Variants in NEBL observed in about 807,000 individuals in gnomAD.
NEBL encodes nebulette, also known as LIM and SH3 protein 2.
Under a neutral mutation model 140.2 loss-of-function variants are expected in NEBL, and 122 were observed. The observed-to-expected ratio is 0.87, with a 90% CI of 0.75 to 1.01. The LOEUF (loss-of-function observed/expected upper bound fraction) is 1.01. Among genes scored for constraint, NEBL ranks in the 50% least tolerant of loss-of-function variants. The probability of loss-of-function intolerance (pLI) is 0.00; values close to 1 mark genes in which losing one functional copy is unlikely to be tolerated. For missense variants in NEBL, 1,365 were observed against 1,231.3 expected (o/e 1.11, Z -1.62); for synonymous variants, 436 against 398.9 (o/e 1.09, Z -1.11).
intron 3 of NEBL, among the ~76,000 whole-genome samples, chr10:20,965,677 T>C (rs1216486652): frequency 6.6e-6 from 1 of 152,028 alleles, no homozygotes; most frequent in African/African-American, 2.4e-5. Context: ...CTGACTTGTG[T>C]TTTAAAAGGC....
chr10:21,065,605 C>T (rs1012855795), intron 2 of NEBL, among the ~76,000 whole-genome samples: 1 of 152,202 alleles, frequency 6.6e-6, no homozygotes, highest in Non-Finnish European at 1.5e-5. Flanking sequence ...ACTCATGATT[C>T]TTAATGCAAA....
At chr10:21,121,039 A>T (rs1385111013) in intron 2 of NEBL, among the ~76,000 whole-genome samples, 1 of 152,188 alleles carries the variant, frequency 6.6e-6, no homozygotes, top group African/African-American at 2.4e-5. Flanking sequence ...GAGGCATCTG[A>T]AAACATCACA....
At chr10:20,801,609 C>G (rs559189254) in intron 26 of NEBL, among the ~76,000 whole-genome samples, 1 of 152,156 alleles carries the variant, frequency 6.6e-6, no homozygotes. Context: ...AAAAACAGTA[C>G]CCGTTTCTTT....
chr10:20,983,514 A>C (rs942154726), intron 3 of NEBL, among the ~76,000 whole-genome samples: 2 of 152,248 alleles, frequency 1.3e-5, no homozygotes, highest in African/African-American at 4.8e-5. Context: ...TAAGTATTCC[A>C]ATTTTATTTG....
At chr10:20,986,530 T>C (rs932565247) in intron 3 of NEBL, among the ~76,000 whole-genome samples, 1 of 152,220 alleles carries the variant, frequency 6.6e-6, no homozygotes, top group Non-Finnish European at 1.5e-5. Flanking sequence ...TAAATGTTCC[T>C]AAATAATGGC....
intron 26 of NEBL, among the ~76,000 whole-genome samples, chr10:20,799,087 GCC>G (rs1836846655): frequency 6.6e-6 from 1 of 152,094 alleles, no homozygotes; most frequent in African/African-American, 2.4e-5. Context: ...TCATATGATA[GCC>G]TACACATTGG....
chr10:21,227,727 TTCTTCTTCTTC>T (rs1842184073), intron 3 of NEBL, among the ~76,000 whole-genome samples: 4 of 111,688 alleles, frequency 3.6e-5, no homozygotes, highest in African/African-American at 1.5e-4. Flanking sequence ...CTTCTTCTTC[TTCTTCTTCTTC>T]TTCTTCTTCT....
intron 2 of NEBL, among the ~76,000 whole-genome samples, chr10:21,036,740 A>G (rs1456843029): frequency 6.6e-6 from 1 of 152,022 alleles, no homozygotes; most frequent in Non-Finnish European, 1.5e-5. Flanking sequence ...CCCCAGGTAC[A>G]GATTTAAGCT....
At chr10:21,189,069 A>G (rs1312085038) in intron 3 of NEBL, among the ~76,000 whole-genome samples, 1 of 152,162 alleles carries the variant, frequency 6.6e-6, no homozygotes, top group African/African-American at 2.4e-5. Flanking sequence ...GTGGCCCCCA[A>G]AAAGTATGTC....
intron 5 of NEBL, among the ~76,000 whole-genome samples, chr10:20,879,539 T>C (rs529464787): frequency 6.6e-6 from 1 of 152,322 alleles, no homozygotes; most frequent in East Asian, 1.9e-4. Context: ...TACTTAAACA[T>C]TTGCTTACTG....
Position 20,886,595 on chromosome 10 carries a change from T to C in NEBL, c.369+1502A>G, listed in dbSNP as rs970808750. ...ACAAGAAAAAGAGGGTTAGAAATGGTAGGAAAAATATAGCATAGTGTGTGG... is the reference window on the plus strand; with the variant it reads ...ACAAGAAAAAGAGGGTTAGAAATGGCAGGAAAAATATAGCATAGTGTGTGG... On this transcript the variant is annotated intron_variant, in intron 4 of 27. Transcript: ENST00000377122. Among the ~76,000 whole-genome samples, 5 of 151,898 alleles carry C rather than the reference T, an allele frequency of 3.3e-5. No homozygotes were observed. In the South Asian group the frequency reaches 8.3e-4, roughly 25 times the overall value.
intron 3 of NEBL, among the ~76,000 whole-genome samples, chr10:21,198,294 A>T (rs1165239413): frequency 6.6e-6 from 1 of 151,998 alleles, no homozygotes. Flanking sequence ...AAATTCAAAG[A>T]CCTTTTCCAT....
At chr10:20,942,759 C>G (rs1458833881) in intron 4 of NEBL, among the ~76,000 whole-genome samples, 3 of 152,002 alleles carry the variant, frequency 2.0e-5, no homozygotes, top group Non-Finnish European at 4.4e-5. Flanking sequence ...ACAAACAACC[C>G]CATCAAAAAG....
intron 27 of NEBL, 103 bp from the exon 28 acceptor site, chr10:20,786,026 G>T: frequency 8.9e-7 from 1 of 1,123,426 alleles, no homozygotes; most frequent in Non-Finnish European, 1.3e-6. Context: ...TATTAGGAAT[G>T]TTTTCAAACA....
chr10:21,257,325 G>T lies in NEBL; in HGVS notation n.183-5497C>A, dbSNP rs116010929. 7.1e-3 allele frequency among the ~76,000 whole-genome samples: 1,080 copies of T among 152,246 alleles called. 13 individuals carry two copies. The highest frequency in any genetic ancestry group is 0.024 in the African/African-American group (1,013 of 41,550). ...GAGCCTGTGTCCTTAGTAAACTAGG[G>T]AAACTTTCTTGTTGTGTATCCTCAG... On this transcript the variant is annotated intron_variant and non_coding_transcript_variant, in intron 1 of 8. Transcript: ENST00000675702.
intron 3 of NEBL, among the ~76,000 whole-genome samples, chr10:21,227,730 TTCTTCTTC>T (rs1842184518): frequency 2.4e-5 from 3 of 126,372 alleles, no homozygotes; most frequent in African/African-American, 9.9e-5. Flanking sequence ...CTTCTTCTTC[TTCTTCTTC>T]TTCTTCTTCT....
chr10:20,924,883 C>A lies in NEBL; in HGVS notation c.357+36789G>T, dbSNP rs184163404. Reference sequence around the variant, plus strand: ...TGCAGGAGTCGAGGGGTACATGGTCCCTGAGGTTTGTAACTTGGAAGAACA... The same window carrying A: ...TGCAGGAGTCGAGGGGTACATGGTCACTGAGGTTTGTAACTTGGAAGAACA... On this transcript the variant is annotated intron_variant, in intron 4 of 6. Coordinates refer to the NEBL transcript ENST00000417816. 2.2e-3 allele frequency among the ~76,000 whole-genome samples: 333 copies of A among 152,022 alleles called. 2 individuals are homozygous for A. The highest frequency in any genetic ancestry group is 7.7e-3 in the African/African-American group (321 of 41,466).
intron 1 of NEBL, among the ~76,000 whole-genome samples, chr10:21,281,429 T>G (rs930029816): frequency 6.6e-6 from 1 of 152,122 alleles, no homozygotes; most frequent in African/African-American, 2.4e-5. Context: ...CCCAACTCGC[T>G]GGGATTACAG....
chr10:20,954,722 C>T (rs1172841138), intron 4 of NEBL, among the ~76,000 whole-genome samples: 1 of 152,206 alleles, frequency 6.6e-6, no homozygotes, highest in African/African-American at 2.4e-5. Context: ...CCACCACCAC[C>T]CCGCCCCCTC....
Sources: gnomAD v4.1 joint callset for allele counts (sites outside exome capture counted in the v4.1 genomes callset) on GRCh38, gnomAD v4.1.1 for gene constraint, MANE v1.5 for transcripts, NCBI Gene and HGNC (gene_info 2026-07-23, HGNC 2026-07-21) for gene names.